Variants in EPM2A observed in about 807,000 individuals in gnomAD.
The protein encoded by EPM2A is laforin.
A neutral mutation model predicts 26.5 loss-of-function variants in EPM2A; 21 were observed. The ratio of observed to expected loss-of-function variants is 0.79; its 90% CI spans 0.56 to 1.14. EPM2A has a LOEUF of 1.14. Ranked by LOEUF, EPM2A falls within the 50% of genes most tolerant of loss-of-function variation. The pLI is 0.00. For missense variants in EPM2A, 458 were observed against 440.8 expected (o/e 1.04, Z -0.35); for synonymous variants, 217 against 177.6 (o/e 1.22, Z -1.76).
chr6:145,447,336 G>A (rs1390742997), intron 4 of EPM2A, among the ~76,000 whole-genome samples: 3 of 151,990 alleles, frequency 2.0e-5, no homozygotes, highest in African/African-American at 7.2e-5. Context: ...CAATTCTTAT[G>A]AGCCAATAAG....
chr6:145,383,578 A>C (rs899593275), exon 5 of EPM2A: 1 of 152,144 alleles, frequency 6.6e-6, no homozygotes, highest in Non-Finnish European at 1.5e-5. Flanking sequence ...ACAGCACCAA[A>C]GGGATGGTGC....
intron 1 of EPM2A, among the ~76,000 whole-genome samples, chr6:145,708,362 C>T (rs1782344380): frequency 6.6e-6 from 1 of 152,174 alleles, no homozygotes; most frequent in Non-Finnish European, 1.5e-5. Flanking sequence ...GCAGCAGCCC[C>T]TCCCATCACA....
chr6:145,645,950 G>A (rs1292339), intron 2 of EPM2A, among the ~76,000 whole-genome samples: 77,561 of 151,960 alleles, frequency 0.51, 20,412 homozygotes, highest in East Asian at 0.67. Context: ...GCTTAATTGT[G>A]TGGAAACCTC....
rs1006534275 is a variant in EPM2A, at chr6:145,400,708, A to G, written c.556-16611T>C. Among the ~76,000 whole-genome samples, 4 of 152,314 alleles carry G rather than the reference A, an allele frequency of 2.6e-5. No homozygotes were observed. In the South Asian group the frequency reaches 6.2e-4, roughly 24 times the overall value. On this transcript the variant is annotated intron_variant, in intron 4 of 4. Coordinates refer to the EPM2A transcript ENST00000638717. ...ACATAGGCAACATCCATTTTTGCTT[A>G]CTATGCATGTACATGACTTTCTATG...
intron 2 of EPM2A, among the ~76,000 whole-genome samples, chr6:145,550,172 T>A (rs1780635628): frequency 6.6e-6 from 1 of 152,084 alleles, no homozygotes; most frequent in East Asian, 1.9e-4. Flanking sequence ...TCTCTGAACT[T>A]ACATCATTTG....
At chr6:145,451,795 A>G (rs1779198484) in intron 4 of EPM2A, among the ~76,000 whole-genome samples, 1 of 152,186 alleles carries the variant, frequency 6.6e-6, no homozygotes, top group African/African-American at 2.4e-5. Flanking sequence ...TTTAATTTTA[A>G]TTTGTATTAC....
In EPM2A at chr6:145,709,375, T is replaced by C. The variant is rs138859944; in HGVS notation, c.302-23079A>G. 6.8e-3 allele frequency among the ~76,000 whole-genome samples: 1,033 copies of C among 152,268 alleles called. 7 individuals carry two copies. The highest frequency in any genetic ancestry group is 9.1e-3 in the Non-Finnish European group (621 of 68,018). ...ATGGGAGGGACCCAGTGGGAGGTAA[T>C]TGAATCATGGGGGAGGGCTTCTCTC... is the stretch of plus-strand genomic sequence containing the variant. On this transcript the variant is annotated intron_variant, in intron 1 of 3. Coordinates refer to ENST00000367519, the MANE Select transcript of EPM2A (RefSeq NM_005670.4).
intron 4 of EPM2A, among the ~76,000 whole-genome samples, chr6:145,461,890 G>T (rs568945157): frequency 2.4e-4 from 36 of 152,224 alleles, no homozygotes; most frequent in African/African-American, 7.9e-4. Flanking sequence ...ATGACAAAAA[G>T]AACTTTTGCC....
At chr6:145,537,039 A>C (rs562282008) in intron 2 of EPM2A, among the ~76,000 whole-genome samples, 14 of 152,296 alleles carry the variant, frequency 9.2e-5, no homozygotes, top group Non-Finnish European at 1.9e-4. Context: ...GTTGGTCCTA[A>C]GTTAGATATG....
chr6:145,499,718 C>A (rs1285619304), downstream of EPM2A, among the ~76,000 whole-genome samples: 1 of 152,124 alleles, frequency 6.6e-6, no homozygotes, highest in African/African-American at 2.4e-5. Context: ...TCATACTCTA[C>A]CAATTTTATT....
At chr6:145,536,168 A>G (rs1562373757) in intron 2 of EPM2A, among the ~76,000 whole-genome samples, 1 of 151,960 alleles carries the variant, frequency 6.6e-6, no homozygotes, top group Non-Finnish European at 1.5e-5. Context: ...TGTTTTTGCC[A>G]TTTCTTTACC....
intron 4 of EPM2A, among the ~76,000 whole-genome samples, chr6:145,460,516 A>T (rs1253760119): frequency 1.3e-5 from 2 of 152,146 alleles, no homozygotes; most frequent in African/African-American, 4.8e-5. Flanking sequence ...AACACCTCAC[A>T]CTGGGTTAGT....
intron 2 of EPM2A, among the ~76,000 whole-genome samples, chr6:145,540,356 G>A (rs1780489728): frequency 6.6e-6 from 1 of 152,194 alleles, no homozygotes; most frequent in Admixed American, 6.5e-5. Context: ...AGCTTGGGTT[G>A]AGCCAAAATT....
intron 4 of EPM2A, among the ~76,000 whole-genome samples, chr6:145,431,302 T>C (rs929948171): frequency 4.6e-5 from 7 of 152,100 alleles, no homozygotes; most frequent in African/African-American, 1.7e-4. Flanking sequence ...GAAAGGAGGA[T>C]TGCATCCTGA....
chr6:145,720,063 T>C (rs2128637957), intron 1 of EPM2A, among the ~76,000 whole-genome samples: 1 of 152,322 alleles, frequency 6.6e-6, no homozygotes, highest in African/African-American at 2.4e-5. Context: ...CTAGTTAGAT[T>C]GATTCACTAA....
At position 145,484,996 on chromosome 6, in the gene EPM2A, T is replaced by C. The variant is rs113377287; in HGVS notation, c.555+17526A>G. On this transcript the variant is annotated intron_variant, in intron 4 of 4. Transcript: ENST00000638717. ...GTCTGATTAATGACATTAAAATATA[T>C]ATATATATATTATATATATATACTA... Among the ~76,000 whole-genome samples the C allele has an allele frequency of 2.2e-3, 333 of 148,304 alleles. 1 individual carries two copies. Among genetic ancestry groups the C allele is most frequent in the African/African-American group, 6.9e-3 (282 of 40,746 alleles).
At position 145,433,499 on chromosome 6, in the gene EPM2A, C is replaced by T. The variant is rs76550696; in HGVS notation, c.556-49402G>A. ...TTTTCTAATCATTCCATCTTCTTCC[C>T]ACCTTCTTATTAGCTTTTTAGTTAT... On this transcript the variant is annotated intron_variant, in intron 4 of 4. Transcript: ENST00000638717. Among the ~76,000 whole-genome samples, 119 of 152,006 alleles carry T rather than the reference C, an allele frequency of 7.8e-4. No individual in the cohort carries two copies. The East Asian group carries it at 0.017, about 22-fold the overall frequency.
At chr6:145,517,907 A>G (rs888688212) in intron 2 of EPM2A, among the ~76,000 whole-genome samples, 2 of 152,216 alleles carry the variant, frequency 1.3e-5, no homozygotes, top group East Asian at 3.8e-4. Context: ...GATCTAAAAA[A>G]CACAAAAATA....
At chr6:145,681,233 G>A (rs1253824898) in intron 2 of EPM2A, among the ~76,000 whole-genome samples, 2 of 99,896 alleles carry the variant, frequency 2.0e-5, no homozygotes, top group African/African-American at 3.3e-5. Flanking sequence ...ACTTTTTGAT[G>A]GGGTTGTTTG....
Sources: allele counts gnomAD v4.1 joint callset (sites outside exome capture counted in the v4.1 genomes callset), GRCh38; gene constraint gnomAD v4.1.1; transcripts MANE v1.5; gene names NCBI Gene and HGNC (gene_info 2026-07-23, HGNC 2026-07-21).